SLC35F3: variants seen among roughly 807,000 people sequenced by gnomAD.
SLC35F3 encodes the protein solute carrier family 35 member F3.
A neutral mutation model predicts 49.9 loss-of-function variants in SLC35F3; 25 were observed. The ratio of observed to expected loss-of-function variants is 0.50; its 90% confidence interval spans 0.37 to 0.70. The LOEUF is 0.70. SLC35F3 is among the 30% of genes least tolerant of loss of function. The probability of loss-of-function intolerance (pLI) is 0.00; values close to 1 mark genes in which losing one functional copy is unlikely to be tolerated. For synonymous variants in SLC35F3, 275 were observed against 265.4 expected (o/e 1.04, Z -0.35); for missense variants, 525 against 639.8 (o/e 0.82, Z 1.94).
At chr1:234,144,867 G>C (rs1319465259) in intron 2 of SLC35F3, among the ~76,000 whole-genome samples, 3 of 152,212 alleles carry the variant, frequency 2.0e-5, no homozygotes, top group Admixed American at 6.5e-5. Context: ...ACAGAGAACA[G>C]AGATGGTCAG....
At chr1:233,961,526 G>C (rs959782158) in intron 2 of SLC35F3, among the ~76,000 whole-genome samples, 3 of 143,274 alleles carry the variant, frequency 2.1e-5, no homozygotes, top group Admixed American at 7.5e-5. Context: ...GCGTGATCTC[G>C]GCTCACTGCA....
chr1:233,945,258 G>A (rs1338863106), intron 2 of SLC35F3, among the ~76,000 whole-genome samples: 1 of 151,998 alleles, frequency 6.6e-6, no homozygotes, highest in Non-Finnish European at 1.5e-5. Context: ...GCTCCTGAAG[G>A]CCAGGCGGCA....
intron 2 of SLC35F3, among the ~76,000 whole-genome samples, chr1:234,005,467 A>C (rs1353610656): frequency 6.6e-6 from 1 of 152,120 alleles, no homozygotes; most frequent in Non-Finnish European, 1.5e-5. Context: ...TTGTTAATTC[A>C]CCAGGTGAAA....
chr1:234,101,858 A>G (rs182970057), intron 2 of SLC35F3, among the ~76,000 whole-genome samples: 27 of 152,370 alleles, frequency 1.8e-4, no homozygotes, highest in Non-Finnish European at 3.4e-4. Context: ...TCAATTAGCT[A>G]TCTGCAAAGT....
Position 234,136,200 on chromosome 1 carries a change from A to G in SLC35F3, c.284-95217A>G, listed in dbSNP as rs535276550. ...CCTTCTTCCCTCCCTTCCCTCCTTT[A>G]TTTTCTTCTCTTCCCTTCCCTTCTC... On this transcript the variant is annotated intron_variant, in intron 2 of 7. Coordinates refer to ENST00000366618, the MANE Select transcript of SLC35F3 (RefSeq NM_173508.4). Among the ~76,000 whole-genome samples, 6 of 145,550 alleles carry G rather than the reference A, an allele frequency of 4.1e-5. No homozygotes were observed. The South Asian group carries it at 6.7e-4, about 16-fold the overall frequency.
chr1:234,124,464 C>A (rs1038943273), intron 2 of SLC35F3, among the ~76,000 whole-genome samples: 1 of 152,176 alleles, frequency 6.6e-6, no homozygotes, highest in Non-Finnish European at 1.5e-5. Context: ...CATTTTCTTC[C>A]CCTAGGGGCT....
At chr1:233,963,386 C>T (rs922974490) in intron 2 of SLC35F3, among the ~76,000 whole-genome samples, 24 of 151,858 alleles carry the variant, frequency 1.6e-4, no homozygotes, top group Admixed American at 6.5e-4. Flanking sequence ...CTGCAAGCTC[C>T]GCCTCCCAGG....
intron 3 of SLC35F3, among the ~76,000 whole-genome samples, chr1:234,254,942 T>A (rs1388205430): frequency 6.6e-6 from 1 of 152,224 alleles, no homozygotes; most frequent in Admixed American, 6.5e-5. Flanking sequence ...GTACTTTTGT[T>A]AGTAACTAAG....
intron 3 of SLC35F3, among the ~76,000 whole-genome samples, chr1:234,281,389 C>A (rs1294199625): frequency 6.6e-6 from 1 of 152,128 alleles, no homozygotes; most frequent in African/African-American, 2.4e-5. Flanking sequence ...TGTGTTAAGC[C>A]CCCAGTCTGT....
In SLC35F3 at chr1:234,321,834, C is replaced by T. The variant is rs116935450; in HGVS notation, c.1238-1174C>T. On this transcript the variant is annotated intron_variant, in intron 7 of 7. Transcript: ENST00000366618. ...CCCCGACATCTGCTCAAGGGACTGG[C>T]TGGTTGGCTCTCCTTATCTAGTGAA... Among the ~76,000 whole-genome samples, 15 of 152,110 alleles carry T rather than the reference C, an allele frequency of 9.9e-5. No individual in the cohort carries two copies. The East Asian group carries it at 2.9e-3, about 29-fold the overall frequency.
At chr1:234,167,439 G>A (rs891871555) in intron 2 of SLC35F3, among the ~76,000 whole-genome samples, 2 of 152,112 alleles carry the variant, frequency 1.3e-5, no homozygotes, top group Non-Finnish European at 2.9e-5. Context: ...CCACAAAGGA[G>A]CACTGGATCC....
At chr1:234,313,183 C>G (rs952274185) in intron 4 of SLC35F3, among the ~76,000 whole-genome samples, 1 of 152,178 alleles carries the variant, frequency 6.6e-6, no homozygotes, top group Non-Finnish European at 1.5e-5. Flanking sequence ...GGCCTTGCCA[C>G]CTTCTAGCAA....
chr1:233,988,214 ATAT>A (rs1475598056), intron 2 of SLC35F3, among the ~76,000 whole-genome samples: 2 of 152,176 alleles, frequency 1.3e-5, no homozygotes, highest in Non-Finnish European at 2.9e-5. Flanking sequence ...AGACTCCAAA[ATAT>A]TAGTAACTGG....
At chr1:234,303,878 C>A (rs979086513) in intron 3 of SLC35F3, among the ~76,000 whole-genome samples, 1 of 152,058 alleles carries the variant, frequency 6.6e-6, no homozygotes, top group African/African-American at 2.4e-5. Context: ...TCATGTCTTT[C>A]AGTTCTGAGA....
intron 2 of SLC35F3, among the ~76,000 whole-genome samples, chr1:234,101,611 A>T (rs934436841): frequency 1.3e-5 from 2 of 152,228 alleles, no homozygotes; most frequent in African/African-American, 2.4e-5. Context: ...GTAAGTGCTT[A>T]AAAAATGTTG....
chr1:234,023,819 GA>G (rs34417792), intron 2 of SLC35F3, among the ~76,000 whole-genome samples: 87 of 142,128 alleles, frequency 6.1e-4, no homozygotes, highest in Middle Eastern at 3.5e-3. Flanking sequence ...ATCTAGTTCT[GA>G]AAAAAAAAAA....
At chr1:234,260,460 G>A (rs1359614669) in intron 3 of SLC35F3, among the ~76,000 whole-genome samples, 1 of 152,214 alleles carries the variant, frequency 6.6e-6, no homozygotes, top group Non-Finnish European at 1.5e-5. Context: ...AGTCACCTGG[G>A]GAGCTTGGGG....
At chr1:234,260,071 A>G (rs996793885) in intron 3 of SLC35F3, among the ~76,000 whole-genome samples, 1 of 152,190 alleles carries the variant, frequency 6.6e-6, no homozygotes, top group Admixed American at 6.5e-5. Flanking sequence ...CGGCAAAAAA[A>G]ATGAATAGGT....
intron 2 of SLC35F3, among the ~76,000 whole-genome samples, chr1:234,128,326 G>A (rs569842952): frequency 6.6e-6 from 1 of 152,310 alleles, no homozygotes; most frequent in South Asian, 2.1e-4. Flanking sequence ...ACCTGGCGAA[G>A]GACAATAGAA....
Sources: gnomAD v4.1 joint callset for allele counts (sites outside exome capture counted in the v4.1 genomes callset) on GRCh38, gnomAD v4.1.1 for gene constraint, MANE v1.5 for transcripts, NCBI Gene and HGNC (gene_info 2026-07-23, HGNC 2026-07-21) for gene names.